VSTM4: variants seen among roughly 807,000 people sequenced by gnomAD.
VSTM4 encodes V-set and transmembrane domain-containing protein 4.
Under a neutral mutation model 36.4 loss-of-function variants are expected in VSTM4, and 20 were observed. The ratio of observed to expected loss-of-function variants is 0.55; its 90% CI spans 0.39 to 0.80. VSTM4 has a LOEUF of 0.80. Among genes scored for constraint, VSTM4 ranks in the 30% least tolerant of loss-of-function variants. The pLI, the probability that VSTM4 is intolerant of heterozygous loss-of-function variation, is 0.00. For synonymous variants in VSTM4, 182 were observed against 173.9 expected (o/e 1.05, Z -0.37); for missense variants, 392 against 404.5 (o/e 0.97, Z 0.26).
intron 7 of VSTM4, among the ~76,000 whole-genome samples, chr10:49,033,068 A>G (rs1843371785): frequency 6.6e-6 from 1 of 152,204 alleles, no homozygotes; most frequent in Non-Finnish European, 1.5e-5. Context: ...TCTCTCCTAC[A>G]GAAATACTCA....
intron 1 of VSTM4, among the ~76,000 whole-genome samples, chr10:49,110,204 C>T (rs893856389): frequency 5.3e-5 from 8 of 152,174 alleles, no homozygotes; most frequent in African/African-American, 1.4e-4. Flanking sequence ...AGAGTGCAGC[C>T]GGGACCCCAC....
chr10:49,041,080 G>A (rs1223305385), intron 7 of VSTM4, among the ~76,000 whole-genome samples: 1 of 152,178 alleles, frequency 6.6e-6, no homozygotes, highest in East Asian at 1.9e-4. Context: ...TTTTGTTTGA[G>A]CTACCATCAA....
chr10:49,051,823 T>C (rs1282161880), intron 5 of VSTM4, among the ~76,000 whole-genome samples: 1 of 152,260 alleles, frequency 6.6e-6, no homozygotes, highest in Non-Finnish European at 1.5e-5. Flanking sequence ...AAAGCTGCTA[T>C]AAACATCCAT....
chr10:49,078,567 A>AT (rs1238646744), intron 3 of VSTM4, among the ~76,000 whole-genome samples: 1 of 152,114 alleles, frequency 6.6e-6, no homozygotes, highest in African/African-American at 2.4e-5. Context: ...TTGATATGAC[A>AT]TTCTTCATCA....
In VSTM4 at chr10:49,115,486, C is replaced by A; in HGVS notation, c.-1G>T. 9.9e-7 allele frequency: 1 copy of A among 1,008,748 alleles called. No homozygotes were observed. Among genetic ancestry groups the A allele is most frequent in the Non-Finnish European group, 1.2e-6 (1 of 845,670 alleles). The allele number at this position is 1,008,748 out of a possible 1,614,324, so 62.5% of individuals were successfully genotyped here. On this transcript the variant is annotated 5_prime_UTR_variant, in exon 1 of 8. Transcript: ENST00000332853. ...CCGCCGCCAGTGCCAGCAGCCGCATCTCCCCGCCGCCGCCCGGCGCTGTGA... is the reference window on the plus strand; with the variant it reads ...CCGCCGCCAGTGCCAGCAGCCGCATATCCCCGCCGCCGCCCGGCGCTGTGA...
intron 6 of VSTM4, among the ~76,000 whole-genome samples, chr10:49,047,328 C>T (rs1401783222): frequency 6.6e-6 from 1 of 152,078 alleles, no homozygotes; most frequent in Non-Finnish European, 1.5e-5. Context: ...CAGATGCACC[C>T]AGTGAAGGCT....
intron 1 of VSTM4, among the ~76,000 whole-genome samples, chr10:49,112,376 G>C (rs1016514536): frequency 1.3e-5 from 2 of 152,226 alleles, no homozygotes; most frequent in African/African-American, 4.8e-5. Context: ...AGAAGCAGTG[G>C]CTTGGTGGGG....
intron 3 of VSTM4, among the ~76,000 whole-genome samples, chr10:49,080,674 G>A (rs1461587514): frequency 6.6e-6 from 1 of 152,198 alleles, no homozygotes; most frequent in African/African-American, 2.4e-5. Context: ...AGGAGGGCTG[G>A]GGCGAGAGTT....
At chr10:49,027,654 T>C (rs1450594613) in intron 7 of VSTM4, among the ~76,000 whole-genome samples, 1 of 152,184 alleles carries the variant, frequency 6.6e-6, no homozygotes, top group Admixed American at 6.5e-5. Flanking sequence ...TCTGCCACTA[T>C]GTTTTGTCTC....
In VSTM4 at chr10:49,017,529, C is replaced by T. The variant is rs1282643010; in HGVS notation, c.*2121G>A. The T allele has an allele frequency of 1.3e-5, 2 of 152,258 alleles. No homozygotes were observed. The highest frequency in any genetic ancestry group is 2.9e-5 in the Non-Finnish European group (2 of 68,062). 9.4% of individuals were successfully genotyped at this position (152,258 alleles called of 1,614,324 possible). ...ACTGGGAGCTACTAGCTCTTAAGAG[C>T]ATGTGTTCTTGGTAGAATGTGTTCC... is the stretch of plus-strand genomic sequence containing the variant. On this transcript the variant is annotated 3_prime_UTR_variant, in exon 8 of 8. Coordinates refer to ENST00000332853, the MANE Select transcript of VSTM4 (RefSeq NM_001031746.5).
At chr10:49,105,172 AAG>A (rs1844751255) in intron 2 of VSTM4, among the ~76,000 whole-genome samples, 1 of 149,510 alleles carries the variant, frequency 6.7e-6, no homozygotes, top group African/African-American at 2.5e-5. Context: ...AGAGAGACAG[AAG>A]GAGAAAGAGA....
At chr10:49,104,800 GAGAT>G (rs201955659) in intron 2 of VSTM4, among the ~76,000 whole-genome samples, 4 of 140,152 alleles carry the variant, frequency 2.9e-5, no homozygotes, top group African/African-American at 1.2e-4. Flanking sequence ...GACACACAGA[GAGAT>G]AGAGAGATAC....
intron 1 of VSTM4, among the ~76,000 whole-genome samples, chr10:49,114,422 C>G (rs1844951241): frequency 6.6e-6 from 1 of 152,166 alleles, no homozygotes; most frequent in Admixed American, 6.5e-5. Flanking sequence ...TGACAGAGCC[C>G]AGAGCCAGGC....
chr10:49,111,646 C>T (rs148705643), intron 1 of VSTM4, among the ~76,000 whole-genome samples: 8 of 152,236 alleles, frequency 5.3e-5, no homozygotes, highest in South Asian at 2.1e-4. Context: ...GGGAGGGAGA[C>T]GCATCGTCCC....
chr10:49,035,952 C>T (rs1170726878), intron 7 of VSTM4, among the ~76,000 whole-genome samples: 1 of 152,194 alleles, frequency 6.6e-6, no homozygotes, highest in Non-Finnish European at 1.5e-5. Flanking sequence ...CTGAGAAGCA[C>T]GTGACCTGGT....
At chr10:49,110,831 T>C (rs1157474032) in intron 1 of VSTM4, among the ~76,000 whole-genome samples, 2 of 152,148 alleles carry the variant, frequency 1.3e-5, no homozygotes, top group East Asian at 1.9e-4. Context: ...CAAAATGTGA[T>C]GTTTCTGTTG....
chr10:49,074,116 T>C (rs894675496), intron 4 of VSTM4, among the ~76,000 whole-genome samples: 1 of 152,230 alleles, frequency 6.6e-6, no homozygotes, highest in African/African-American at 2.4e-5. Context: ...AGCGTTTATT[T>C]CAAGCGTCAA....
chr10:49,028,673 A>G (rs1184920511), intron 7 of VSTM4, among the ~76,000 whole-genome samples: 1 of 152,226 alleles, frequency 6.6e-6, no homozygotes, highest in East Asian at 1.9e-4. Flanking sequence ...GCATTCTCTT[A>G]TGCAGACTCC....
intron 5 of VSTM4, among the ~76,000 whole-genome samples, chr10:49,051,971 A>G (rs1486943429): frequency 6.6e-6 from 1 of 152,116 alleles, no homozygotes; most frequent in Admixed American, 6.6e-5. Flanking sequence ...TTCTCATACT[A>G]TTCCAGTGAG....
Sources: allele counts gnomAD v4.1 joint callset (sites outside exome capture counted in the v4.1 genomes callset), GRCh38; gene constraint gnomAD v4.1.1; transcripts MANE v1.5; gene names NCBI Gene and HGNC (gene_info 2026-07-23, HGNC 2026-07-21).